Variants in TMEM243 observed in about 807,000 individuals in gnomAD.
The protein encoded by TMEM243 is transmembrane protein 243.
A neutral mutation model predicts 15.0 loss-of-function variants in TMEM243; 20 were observed. The observed-to-expected ratio is 1.33, with a 90% CI of 0.94 to 1.93. The LOEUF is 1.93. TMEM243 is among the 30% of genes most tolerant of loss of function. The pLI is 0.00. For missense variants in TMEM243, 156 were observed against 142.1 expected (o/e 1.10, Z -0.50); for synonymous variants, 72 against 52.7 (o/e 1.37, Z -1.59).
intron 3 of TMEM243, chr7:87,197,583 T>G: frequency 2.0e-6 from 1 of 497,660 alleles, no homozygotes. Context: ...ATCTCTTCCC[T>G]TAGCAGTAAC....
At chr7:87,204,759 G>A (rs1802081898) in intron 1 of TMEM243, among the ~76,000 whole-genome samples, 3 of 152,186 alleles carry the variant, frequency 2.0e-5, no homozygotes, top group Non-Finnish European at 4.4e-5. Flanking sequence ...GGCTTTTCCA[G>A]GCACATGGAG....
chr7:87,219,627 G>C lies in TMEM243; in HGVS notation c.-124C>G, dbSNP rs1803360639. 1 of 829,886 alleles carries C rather than the reference G, an allele frequency of 1.2e-6. No homozygotes were observed. Among genetic ancestry groups the C allele is most frequent in the Non-Finnish European group, 1.9e-6 (1 of 515,110 alleles). 51.4% of individuals were successfully genotyped at this position (829,886 alleles called of 1,614,324 possible). A position where few individuals can be genotyped will look rare whatever the true frequency, so the allele number is the denominator to read the frequency against. On this transcript the variant is annotated 5_prime_UTR_variant, in exon 1 of 4. Transcript: ENST00000257637. ...CCGCATAGCCGAACCCGAGTGGTCG[G>C]GGAAGCGCTGGCGCCAGGGATGGGT...
intron 1 of TMEM243, among the ~76,000 whole-genome samples, chr7:87,201,369 A>T (rs1801795488): frequency 6.6e-6 from 1 of 152,226 alleles, no homozygotes; most frequent in South Asian, 2.1e-4. Context: ...CCTCACTGAG[A>T]CCAACTGAAT....
At chr7:87,209,482 TAGTGAGAG>T (rs1193675543) in intron 1 of TMEM243, among the ~76,000 whole-genome samples, 3 of 112,622 alleles carry the variant, frequency 2.7e-5, no homozygotes, top group South Asian at 2.8e-4. Flanking sequence ...GAGAGTGAGA[TAGTGAGAG>T]AGAGAGAGAG....
At chr7:87,209,691 A>ACACAGTGAGAGCGAGACACAGT (rs1802539271) in intron 1 of TMEM243, among the ~76,000 whole-genome samples, 1 of 136,706 alleles carries the variant, frequency 7.3e-6, no homozygotes, top group Non-Finnish European at 1.6e-5. Context: ...ACACAGCGAG[A>ACACAGTGAGAGCGAGACACAGT]GAGCGAGACA....
rs869135806 is a variant in TMEM243 at position 87,196,505 on chromosome 7, AT to A, written c.*130del. 6 of 947,866 alleles carry A rather than the reference AT, an allele frequency of 6.3e-6. No homozygotes were observed. Among genetic ancestry groups the A allele is most frequent in the Non-Finnish European group, 9.4e-6 (6 of 636,460 alleles). 58.7% of individuals were successfully genotyped at this position (947,866 alleles called of 1,614,324 possible). A position where few individuals can be genotyped will look rare whatever the true frequency, so the allele number is the denominator to read the frequency against. On this transcript the variant is annotated 3_prime_UTR_variant, in exon 4 of 4. Coordinates refer to ENST00000257637, the MANE Select transcript of TMEM243 (RefSeq NM_024315.4). ...GTCTCCCTTGCAAGAGGGAATTAACATTTACAATTAACATGAAAATCATGTA... is the reference window on the plus strand; with the variant it reads ...GTCTCCCTTGCAAGAGGGAATTAACATTACAATTAACATGAAAATCATGTA...
At chr7:87,203,053 C>G (rs1441074575) in intron 1 of TMEM243, 1 of 152,396 alleles carries the variant, frequency 6.6e-6, no homozygotes, top group Non-Finnish European at 1.5e-5. Context: ...CTGGCAATAA[C>G]ATCCCAAATA....
intron 1 of TMEM243, among the ~76,000 whole-genome samples, chr7:87,209,590 G>GAGAGAGAC (rs1562884584): frequency 8.7e-4 from 128 of 146,534 alleles, no homozygotes; most frequent in African/African-American, 3.0e-3. Flanking sequence ...GAGAGACAGT[G>GAGAGAGAC]AGACAGTGAG....
At chr7:87,214,492 G>C (rs1013852956) in intron 1 of TMEM243, among the ~76,000 whole-genome samples, 8 of 152,322 alleles carry the variant, frequency 5.3e-5, no homozygotes, top group Admixed American at 3.9e-4. Flanking sequence ...AACGTATCTA[G>C]TGAATGCTCT....
chr7:87,198,848 T>C lies in TMEM243; in HGVS notation c.129+159A>G, dbSNP rs1801574429. On this transcript the variant is annotated intron_variant, in intron 2 of 3. Coordinates refer to ENST00000257637, the MANE Select transcript of TMEM243 (RefSeq NM_024315.4). ...CCATTTCACATATTCAACCTGGGGGTGGGGCAGAATTAAATTAGCTACTCC... is the reference window on the plus strand; with the variant it reads ...CCATTTCACATATTCAACCTGGGGGCGGGGCAGAATTAAATTAGCTACTCC... The C allele has an allele frequency of 6.8e-6, 4 of 584,048 alleles. No individual in the cohort carries two copies. The East Asian group carries it at 9.4e-5, about 14-fold the overall frequency. 36.2% of individuals were successfully genotyped at this position (584,048 alleles called of 1,614,324 possible).
chr7:87,213,581 T>C (rs1489163098), intron 1 of TMEM243, among the ~76,000 whole-genome samples: 2 of 152,212 alleles, frequency 1.3e-5, no homozygotes, highest in Non-Finnish European at 2.9e-5. Context: ...TTTATTCTTT[T>C]TCTCTTCTTT....
At chr7:87,206,994 A>G (rs1429676964) in intron 1 of TMEM243, among the ~76,000 whole-genome samples, 1 of 152,268 alleles carries the variant, frequency 6.6e-6, no homozygotes, top group Non-Finnish European at 1.5e-5. Context: ...ATGGCACCAC[A>G]GAAGCTGTGG....
Position 87,196,646 on chromosome 7 carries a change from A to C in TMEM243, c.347T>G (p.Val116Gly). The change falls in exon 4 of 4, where the codon GTG (valine) becomes GGG (glycine). Residue 116 changes from valine to glycine, a missense_variant. By Grantham distance (109) the Val-to-Gly change is moderately radical. Transcript: ENST00000257637. Reference protein sequence around the residue: ...CICANLYFHDVGR With the variant: ...CICANLYFHDGGR ...TTCTCCTTGGCAGCCTCACCTTCCC[A>C]CATCATGGAAGTACAGGTTTGCACA... 1 of 1,608,560 alleles carries C rather than the reference A, an allele frequency of 6.2e-7. No homozygotes were observed. Among genetic ancestry groups the C allele is most frequent in the Non-Finnish European group, 8.5e-7 (1 of 1,177,628 alleles).
intron 1 of TMEM243, among the ~76,000 whole-genome samples, chr7:87,205,127 G>C (rs976989566): frequency 6.6e-6 from 1 of 152,220 alleles, no homozygotes; most frequent in African/African-American, 2.4e-5. Flanking sequence ...GGGACACAGA[G>C]CACCAAGTCC....
At chr7:87,208,510 G>A (rs943659133) in intron 1 of TMEM243, among the ~76,000 whole-genome samples, 1 of 152,092 alleles carries the variant, frequency 6.6e-6, no homozygotes, top group Admixed American at 6.5e-5. Flanking sequence ...TACTTTCTTT[G>A]AAAACCCAGC....
intron 1 of TMEM243, among the ~76,000 whole-genome samples, chr7:87,211,655 A>T (rs567821680): frequency 1.6e-4 from 25 of 152,308 alleles, no homozygotes; most frequent in African/African-American, 6.0e-4. Context: ...ATGTGGGAGA[A>T]GGTTTATTTT....
At chr7:87,200,169 T>C (rs1801681684) in intron 1 of TMEM243, among the ~76,000 whole-genome samples, 1 of 152,258 alleles carries the variant, frequency 6.6e-6, no homozygotes, top group East Asian at 1.9e-4. Flanking sequence ...GTATTGGATG[T>C]GTGTGATCTA....
At chr7:87,201,829 G>A (rs909802561) in intron 1 of TMEM243, among the ~76,000 whole-genome samples, 7 of 152,042 alleles carry the variant, frequency 4.6e-5, no homozygotes, top group African/African-American at 1.7e-4. Context: ...ACCATAACTT[G>A]TCTCTCCTAC....
At chr7:87,209,624 C>G (rs1390259124) in intron 1 of TMEM243, among the ~76,000 whole-genome samples, 4 of 100,074 alleles carry the variant, frequency 4.0e-5, no homozygotes, top group Non-Finnish European at 6.2e-5. Flanking sequence ...GAGAGAGAGA[C>G]TGAGATAGAG....
Sources: allele counts gnomAD v4.1 joint callset (sites outside exome capture counted in the v4.1 genomes callset), GRCh38; gene constraint gnomAD v4.1.1; transcripts MANE v1.5; gene names NCBI Gene and HGNC (gene_info 2026-07-23, HGNC 2026-07-21).